Variants in GNB1 observed in about 807,000 individuals in gnomAD.
GNB1 encodes guanine nucleotide-binding protein G(I)/G(S)/G(T) subunit beta-1.
Under a neutral mutation model 42.9 loss-of-function variants are expected in GNB1, and 2 were observed. The ratio of observed to expected loss-of-function variants is 0.05; its 90% confidence interval spans 0.02 to 0.15. GNB1 has a LOEUF of 0.15. Among genes scored for constraint, GNB1 ranks in the 10% least tolerant of loss-of-function variants. The pLI is 1.00. For synonymous variants in GNB1, 183 were observed against 174.7 expected (o/e 1.05, Z -0.38); for missense variants, 193 against 462.2 (o/e 0.42, Z 5.34).
intron 1 of GNB1, among the ~76,000 whole-genome samples, chr1:1,882,603 G>A (rs1649913094): frequency 6.6e-6 from 1 of 152,052 alleles, no homozygotes; most frequent in African/African-American, 2.4e-5. Context: ...CTTCATAAAT[G>A]GGAGGAGGAG....
intron 8 of GNB1, 29 bp downstream of exon 8, chr1:1,793,216 G>A (rs754407808): frequency 8.6e-6 from 13 of 1,506,204 alleles, no homozygotes; most frequent in Non-Finnish European, 3.7e-6. Context: ...GGTTCTCAAG[G>A]CACTGCCTGC....
intron 3 of GNB1, among the ~76,000 whole-genome samples, chr1:1,821,534 AG>A (rs1646929922): frequency 1.3e-5 from 2 of 152,258 alleles, no homozygotes; most frequent in Non-Finnish European, 1.5e-5. Context: ...TTGGGCAATC[AG>A]GAAAAAATGT....
intron 7 of GNB1, among the ~76,000 whole-genome samples, chr1:1,803,758 C>T (rs1469301783): frequency 4.0e-5 from 6 of 151,762 alleles, no homozygotes; most frequent in African/African-American, 9.7e-5. Context: ...CTAAGGCAGG[C>T]GGATCACAAT....
intron 7 of GNB1, among the ~76,000 whole-genome samples, chr1:1,796,646 T>C (rs2100590070): frequency 6.6e-6 from 1 of 152,328 alleles, no homozygotes; most frequent in Middle Eastern, 3.4e-3. Flanking sequence ...CGGGGGCCTG[T>C]GCTGCCACCC....
intron 1 of GNB1, among the ~76,000 whole-genome samples, chr1:1,844,611 A>G (rs1647519172): frequency 6.6e-6 from 1 of 152,200 alleles, no homozygotes; most frequent in South Asian, 2.1e-4. Context: ...TTTCTAATCA[A>G]GTACAGGTAT....
intron 1 of GNB1, among the ~76,000 whole-genome samples, chr1:1,876,878 C>A (rs1389501714): frequency 6.6e-6 from 1 of 152,116 alleles, no homozygotes; most frequent in Non-Finnish European, 1.5e-5. Flanking sequence ...GTTGGCAGAA[C>A]CAGGATGTCC....
chr1:1,799,925 G>A (rs1391783090), intron 7 of GNB1, among the ~76,000 whole-genome samples: 2 of 152,148 alleles, frequency 1.3e-5, no homozygotes, highest in East Asian at 1.9e-4. Context: ...CTACACACAC[G>A]GCTGACCAGA....
intron 1 of GNB1, among the ~76,000 whole-genome samples, chr1:1,847,933 C>T (rs916630010): frequency 4.6e-5 from 7 of 152,096 alleles, no homozygotes; most frequent in Non-Finnish European, 7.3e-5. Flanking sequence ...AGAAGCAGTG[C>T]CAAAAACACG....
At chr1:1,848,451 T>C (rs1277788237) in intron 1 of GNB1, among the ~76,000 whole-genome samples, 1 of 151,776 alleles carries the variant, frequency 6.6e-6, no homozygotes, top group Non-Finnish European at 1.5e-5. Context: ...AGTATGCCTG[T>C]CTCTCCTACC....
intron 2 of GNB1, among the ~76,000 whole-genome samples, chr1:1,835,437 T>C (rs989677142): frequency 6.6e-6 from 1 of 152,210 alleles, no homozygotes; most frequent in Non-Finnish European, 1.5e-5. Flanking sequence ...CTTAGAACCA[T>C]GACTGACACA....
intron 7 of GNB1, among the ~76,000 whole-genome samples, chr1:1,803,502 G>A (rs973985075): frequency 3.9e-5 from 6 of 152,084 alleles, no homozygotes; most frequent in East Asian, 3.9e-4. Flanking sequence ...AGCTGGTCTC[G>A]AACCCCTGGC....
chr1:1,887,815 A>G (rs1650240719), intron 1 of GNB1, among the ~76,000 whole-genome samples: 1 of 152,116 alleles, frequency 6.6e-6, no homozygotes, highest in Non-Finnish European at 1.5e-5. Context: ...AGGTTTCGCT[A>G]TGTTGGCCAG....
At chr1:1,799,371 C>T (rs1646593300) in intron 7 of GNB1, among the ~76,000 whole-genome samples, 1 of 152,080 alleles carries the variant, frequency 6.6e-6, no homozygotes, top group Non-Finnish European at 1.5e-5. Context: ...GTATTTTTGG[C>T]TTTTCTTTCT....
intron 7 of GNB1, among the ~76,000 whole-genome samples, chr1:1,801,882 G>GT: frequency 6.6e-6 from 1 of 152,292 alleles, no homozygotes; most frequent in South Asian, 2.1e-4. Context: ...CAAAGACACA[G>GT]TTAAGCTGAA....
intron 1 of GNB1, chr1:1,890,465 G>C (rs1650429101): frequency 6.7e-6 from 1 of 148,970 alleles, no homozygotes; most frequent in African/African-American, 2.4e-5. Context: ...AGCCACGTCC[G>C]GCTCCCCACG....
At position 1,835,390 on chromosome 1, in the gene GNB1, C is replaced by G. The variant is rs1285890324; in HGVS notation, c.-47+3800G>C. Among the ~76,000 whole-genome samples, 9 of 152,350 alleles carry G rather than the reference C, an allele frequency of 5.9e-5. No individual in the cohort carries two copies. In the East Asian group the frequency reaches 7.7e-4, roughly 13 times the overall value. On this transcript the variant is annotated intron_variant, in intron 2 of 11. Coordinates refer to ENST00000378609, the MANE Select transcript of GNB1 (RefSeq NM_002074.5). ...GGGGACAGTAATAGTCCCCACAGCTCATGCTATGACAATTCCATTAGAATC... is the reference window on the plus strand; with the variant it reads ...GGGGACAGTAATAGTCCCCACAGCTGATGCTATGACAATTCCATTAGAATC...
intron 7 of GNB1, among the ~76,000 whole-genome samples, chr1:1,795,701 C>T (rs1054459727): frequency 1.3e-5 from 2 of 152,002 alleles, no homozygotes; most frequent in South Asian, 4.2e-4. Context: ...TGCAGTGAGC[C>T]GAGTTCACAG....
chr1:1,855,321 C>CAAAAAA (rs371204734), intron 1 of GNB1, among the ~76,000 whole-genome samples: 2 of 99,588 alleles, frequency 2.0e-5, no homozygotes, highest in Non-Finnish European at 2.1e-5. Context: ...GACACTGTGT[C>CAAAAAA]AAAAAAAAAA....
At chr1:1,863,688 GTTCT>G (rs1448658518) in intron 1 of GNB1, among the ~76,000 whole-genome samples, 2 of 152,138 alleles carry the variant, frequency 1.3e-5, no homozygotes, top group Non-Finnish European at 2.9e-5. Context: ...TCCTTCCAAG[GTTCT>G]TTTAGTGAGC....
Sources: gnomAD v4.1 joint callset for allele counts (sites outside exome capture counted in the v4.1 genomes callset) on GRCh38, gnomAD v4.1.1 for gene constraint, MANE v1.5 for transcripts, NCBI Gene and HGNC (gene_info 2026-07-23, HGNC 2026-07-21) for gene names.